Variants in ABCC3 observed in about 807,000 individuals in gnomAD.
The protein encoded by ABCC3 is ATP-binding cassette sub-family C member 3.
In ABCC3, 121 loss-of-function variants were observed where a neutral mutation model predicts 165.3. The ratio of observed to expected loss-of-function variants is 0.73; its 90% CI spans 0.63 to 0.85. The LOEUF (loss-of-function observed/expected upper bound fraction) is 0.85. Among genes scored for constraint, ABCC3 ranks in the 40% least tolerant of loss-of-function variants. The pLI, the probability that ABCC3 is intolerant of heterozygous loss-of-function variation, is 0.00. For synonymous variants in ABCC3, 733 were observed against 810.1 expected, an observed-to-expected ratio of 0.90 and a Z score of 1.62; for missense variants, 1,869 against 1,964.1, an observed-to-expected ratio of 0.95 and a Z score of 0.92.
chr17:50,666,571 T>C (rs941743569), intron 11 of ABCC3, among the ~76,000 whole-genome samples: 1 of 152,232 alleles, frequency 6.6e-6, no homozygotes, highest in South Asian at 2.1e-4. Context: ...TACAGGATCC[T>C]GTGATTTCCC....
At chr17:50,650,930 T>A (rs1269446333) in intron 1 of ABCC3, among the ~76,000 whole-genome samples, 1 of 151,946 alleles carries the variant, frequency 6.6e-6, no homozygotes, top group Non-Finnish European at 1.5e-5. Flanking sequence ...CTGGGCGTGG[T>A]GGCGGGCACC....
At chr17:50,683,883 G>A in intron 27 of ABCC3, 66 bp from the exon 28 acceptor site, 3 of 1,574,680 alleles carry the variant, frequency 1.9e-6, no homozygotes, top group Non-Finnish European at 2.6e-6. Context: ...GCCTCCAGGA[G>A]AGTCCTGGAG....
chr17:50,678,007 A>G (rs762562722), intron 24 of ABCC3, 64 bp downstream of exon 24: 49 of 1,613,886 alleles, frequency 3.0e-5, no homozygotes, highest in Middle Eastern at 1.6e-4. Flanking sequence ...TCTGGTGTTC[A>G]GGGTCCTTGT....
rs1436251822 is a variant in ABCC3, at chr17:50,691,317, G to A, written c.*117G>A. On this transcript the variant is annotated 3_prime_UTR_variant, in exon 31 of 31. Transcript: ENST00000285238. ...AACACTGGGGGCACCTTAAGATTTT[G>A]CACCTGTAAAGTGCCTTACAGGGTA... 1 of 793,180 alleles carries A rather than the reference G, an allele frequency of 1.3e-6. No homozygotes were observed. Among genetic ancestry groups the A allele is most frequent in the African/African-American group, 1.7e-5 (1 of 58,276 alleles). 49.1% of individuals were successfully genotyped at this position (793,180 alleles called of 1,614,324 possible).
At chr17:50,683,849 G>C (rs1472495768) in intron 27 of ABCC3, 93 bp downstream of exon 27, 1 of 1,561,086 alleles carries the variant, frequency 6.4e-7, no homozygotes, top group African/African-American at 1.4e-5. Flanking sequence ...GAGAGCACAA[G>C]TGCTCCAGCC....
At position 50,687,583 on chromosome 17, in the gene ABCC3, A is replaced by G; in HGVS notation, c.4328A>G (p.Lys1443Arg). The part of the protein sequence containing the change: ...LVCLARALLR[K>R]SRILVLDEAT... ...TGCCTGGCCCGAGCCCTGCTCCGCA[A>G]GAGCCGCATCCTGGTTTTAGACGAG... is the stretch of plus-strand genomic sequence containing the variant. The change falls in exon 30 of 31, where the codon AAG becomes AGG. Residue 1443 changes from lysine to arginine, a missense_variant. Lys to Arg is a conservative substitution (Grantham distance 26, BLOSUM62 2). Transcript: ENST00000285238. 6.2e-7 allele frequency: 1 copy of G among 1,614,192 alleles called. No homozygotes were observed. Among genetic ancestry groups the G allele is most frequent in the Non-Finnish European group, 8.5e-7 (1 of 1,180,046 alleles).
At chr17:50,646,841 C>G (rs987549278) in intron 1 of ABCC3, among the ~76,000 whole-genome samples, 1 of 152,166 alleles carries the variant, frequency 6.6e-6, no homozygotes, top group African/African-American at 2.4e-5. Flanking sequence ...GGTTAAGAAC[C>G]TGGGTCAAGA....
chr17:50,648,111 C>T (rs751972441), intron 1 of ABCC3, among the ~76,000 whole-genome samples: 21 of 152,138 alleles, frequency 1.4e-4, no homozygotes, highest in Non-Finnish European at 3.1e-4. Context: ...ACTTTATCTC[C>T]AGTCCTTCCT....
chr17:50,635,856 C>G (rs887871294), intron 1 of ABCC3: 7 of 417,998 alleles, frequency 1.7e-5, no homozygotes, highest in Non-Finnish European at 2.2e-5. Flanking sequence ...GCACTGTGGC[C>G]TGGGCGAAAG....
At chr17:50,638,238 A>G (rs527345295) in intron 1 of ABCC3, among the ~76,000 whole-genome samples, 25 of 152,220 alleles carry the variant, frequency 1.6e-4, no homozygotes, top group African/African-American at 4.8e-4. Context: ...AGAGGTTGGG[A>G]GCACCTGGGT....
At position 50,675,476 on chromosome 17, in the gene ABCC3, GGTGAGTT is replaced by G; in HGVS notation, c.2714+1_2714+7del. The G allele has an allele frequency of 6.8e-6, 11 of 1,612,422 alleles. No individual in the cohort carries two copies. The highest frequency in any genetic ancestry group is 9.3e-6 in the Non-Finnish European group (11 of 1,179,082). On this transcript the variant is annotated splice_donor_variant and splice_donor_5th_base_variant and intron_variant, in intron 20 of 30. Coordinates refer to ENST00000285238, the MANE Select transcript of ABCC3 (RefSeq NM_003786.4). LOFTEE classifies it high-confidence loss of function. ...TATGTGGTCCAGAAGCAGTTTATGA[GGTGAGTT>G]CCTGAGAGCTCCCAGCCCTCCCGGA...
intron 26 of ABCC3, among the ~76,000 whole-genome samples, chr17:50,681,824 C>T (rs1967934044): frequency 6.6e-6 from 1 of 152,098 alleles, no homozygotes; most frequent in Admixed American, 6.5e-5. Context: ...TTGGAGTCCT[C>T]GTGGATTCCG....
At chr17:50,685,990 G>A (rs1968014484) in intron 29 of ABCC3, among the ~76,000 whole-genome samples, 2 of 152,234 alleles carry the variant, frequency 1.3e-5, no homozygotes, top group African/African-American at 4.8e-5. Flanking sequence ...GAGGGCAGGA[G>A]TTCAAGACCA....
intron 29 of ABCC3, among the ~76,000 whole-genome samples, chr17:50,686,181 G>A (rs1024479942): frequency 3.3e-5 from 5 of 152,216 alleles, no homozygotes; most frequent in Non-Finnish European, 5.9e-5. Flanking sequence ...GTGACCGAGC[G>A]AGACTTCGTC....
Position 50,660,912 on chromosome 17 carries a change from C to T in ABCC3, c.807-11C>T. On this transcript the variant is annotated splice_polypyrimidine_tract_variant and intron_variant, in intron 7 of 30. Transcript: ENST00000285238. ...CATTCCTAACCCACTGCTCCTTCCT[C>T]CCTGGACCAGACACAAGGCTTCAGC... is the stretch of plus-strand genomic sequence containing the variant. The T allele has an allele frequency of 6.3e-7, 1 of 1,584,270 alleles. No individual in the cohort carries two copies.
chr17:50,679,670 C>T (rs1279395294), intron 25 of ABCC3, 128 bp from the exon 26 acceptor site: 6 of 819,968 alleles, frequency 7.3e-6, no homozygotes, highest in Non-Finnish European at 6.0e-6. Context: ...TTGATCCAGG[C>T]CCACCTGGGT....
chr17:50,684,076 A>G lies in ABCC3; in HGVS notation c.4082A>G (p.Asp1361Gly). Residue 1361 changes from aspartate to glycine, a missense_variant, in exon 28 of 31, where the codon GAC becomes GGC. Physicochemically the swap from Asp to Gly is moderately conservative, Grantham distance 94. Transcript: ENST00000285238. Reference protein sequence around the residue: ...GLNVADIGLHDLRSQLTIIPQ... With the variant: ...GLNVADIGLHGLRSQLTIIPQ... ...AATGTGGCAGACATCGGCCTCCATGACCTGCGCTCTCAGCTGACCATCATC... is the reference window on the plus strand; with the variant it reads ...AATGTGGCAGACATCGGCCTCCATGGCCTGCGCTCTCAGCTGACCATCATC... 6.2e-7 allele frequency: 1 copy of G among 1,613,316 alleles called. No individual in the cohort carries two copies. Among genetic ancestry groups the G allele is most frequent in the East Asian group, 2.2e-5 (1 of 44,818 alleles).
At position 50,634,946 on chromosome 17, in the gene ABCC3, C is replaced by A. The variant is rs2054164059; in HGVS notation, c.10C>A (p.Leu4Met). 7.9e-7 allele frequency: 1 copy of A among 1,259,776 alleles called. No homozygotes were observed. Among genetic ancestry groups the A allele is most frequent in the East Asian group, 3.1e-5 (1 of 32,286 alleles). The allele number at this position is 1,259,776 out of a possible 1,614,324, so 78.0% of individuals were successfully genotyped here. The change falls in exon 1 of 31, where the codon CTG becomes ATG. Residue 4 changes from leucine to methionine, a missense_variant. Transcript: ENST00000285238. MDALCGSGELGSKF... is the reference protein window; with the variant it reads MDAMCGSGELGSKF... ...GCCGCGCCTCGGCCCCATGGACGCC[C>A]TGTGCGGTTCCGGGGAGCTCGGCTC...
At chr17:50,685,881 T>C (rs1327443230) in intron 29 of ABCC3, among the ~76,000 whole-genome samples, 1 of 152,154 alleles carries the variant, frequency 6.6e-6, no homozygotes, top group Non-Finnish European at 1.5e-5. Context: ...TCCATACTCA[T>C]GCACCCTCCC....
Sources: allele counts gnomAD v4.1 joint callset (sites outside exome capture counted in the v4.1 genomes callset), GRCh38; gene constraint gnomAD v4.1.1; transcripts MANE v1.5; gene names NCBI Gene and HGNC (gene_info 2026-07-23, HGNC 2026-07-21).